Variants in NXF3 observed in about 807,000 individuals in gnomAD.
NXF3 encodes nuclear RNA export factor 3, also known as TAP-like protein 3.
Under a neutral mutation model 48.4 loss-of-function variants are expected in NXF3, and 34 were observed. The ratio of observed to expected loss-of-function variants is 0.70; its 90% CI spans 0.53 to 0.93. The LOEUF (loss-of-function observed/expected upper bound fraction) is 0.93. Ranked by LOEUF, NXF3 falls within the 40% of genes least tolerant of loss-of-function variation. The probability of loss-of-function intolerance (pLI) is 0.00; values close to 1 mark genes in which losing one functional copy is unlikely to be tolerated. For missense variants in NXF3, 359 were observed against 406.1 expected, an observed-to-expected ratio of 0.88 and a Z score of 1.00; for synonymous variants, 132 against 145.7, an observed-to-expected ratio of 0.91 and a Z score of 0.68.
rs148044412 is a variant in NXF3, at chrX:103,087,642, C to T, written c.29-2759G>A. The stretch of plus-strand genomic sequence containing the variant: ...CACCCGTGCTCTAAGTCCGATCCCA[C>T]ATATAGCATGAAGAGAAGAAAGAAT... On this transcript the variant is annotated intron_variant, in intron 1 of 19. Coordinates refer to ENST00000395065, the MANE Select transcript of NXF3 (RefSeq NM_022052.2). The T allele has an allele frequency of 3.3e-4, 329 of 998,536 alleles. 3 individuals are homozygous for T. The East Asian group carries it at 9.8e-3, about 30-fold the overall frequency. The allele number at this position is 998,536 out of a possible 1,213,427, so 82.3% of individuals were successfully genotyped here.
At chrX:103,083,294 G>T in intron 5 of NXF3, 21 bp from the exon 6 acceptor site, 1 of 1,199,681 alleles carries the variant, frequency 8.3e-7, no homozygotes, top group Non-Finnish European at 1.1e-6. Context: ...CCCAAGAGGG[G>T]CTGAGTAAAC....
At position 103,080,085 on chromosome X, in the gene NXF3, C is replaced by T; in HGVS notation, c.997-17G>A. On this transcript the variant is annotated splice_polypyrimidine_tract_variant and intron_variant, in intron 11 of 19. Transcript: ENST00000395065. ...GAAGCTTCCCTGGAATAAAGAGTCC[C>T]CAGGACCACAGATGGTACCCCCCCT... 2 of 1,210,557 alleles carry T rather than the reference C, an allele frequency of 1.7e-6. No homozygotes were observed. The highest frequency in any genetic ancestry group is 2.2e-6 in the Non-Finnish European group (2 of 894,666).
At chrX:103,091,351 G>C (rs1922268079) in intron 1 of NXF3, among the ~76,000 whole-genome samples, 1 of 112,067 alleles carries the variant, frequency 8.9e-6, no homozygotes, top group Non-Finnish European at 1.9e-5. Context: ...CTCTGCCTCT[G>C]TGAATTAAAC....
At chrX:103,085,916 AAAAAAAAG>A (rs1922139087) in intron 1 of NXF3, among the ~76,000 whole-genome samples, 1 of 105,260 alleles carries the variant, frequency 9.5e-6, no homozygotes, top group African/African-American at 3.5e-5. Context: ...AAAAAAAAAA[AAAAAAAAG>A]AAAGAAAGAA....
intron 3 of NXF3, among the ~76,000 whole-genome samples, chrX:103,084,022 G>A (rs964875196): frequency 5.4e-5 from 6 of 110,940 alleles, no homozygotes; most frequent in African/African-American, 2.0e-4. Flanking sequence ...CCTTTGACAA[G>A]GACCCCACTA....
At chrX:103,087,364 T>C in intron 1 of NXF3, 2 of 1,187,716 alleles carry the variant, frequency 1.7e-6, no homozygotes, top group South Asian at 3.6e-5. Context: ...GCCATTTGAA[T>C]GTGATGTGTG....
At position 103,079,658 on chromosome X, in the gene NXF3, G is replaced by A. The variant is rs765901226; in HGVS notation, c.1161-16C>T. 2 of 1,205,742 alleles carry A rather than the reference G, an allele frequency of 1.7e-6. No homozygotes were observed. The highest frequency in any genetic ancestry group is 5.9e-5 in the East Asian group (2 of 33,795). On this transcript the variant is annotated splice_polypyrimidine_tract_variant and intron_variant, in intron 13 of 19. Transcript: ENST00000395065. ...GAAGCTGCTCCTAGAAGAAAAAGAG[G>A]AGCAGGAGTGGGTGGTCTGGCCAGT...
rs773218289 is a variant in NXF3, at chrX:103,083,704, A to G, written c.352-12T>C. On this transcript the variant is annotated splice_polypyrimidine_tract_variant and intron_variant, in intron 3 of 19. Transcript: ENST00000395065. Reference sequence around the variant, plus strand: ...ATGCCAAAGGGAACCTATGAGTGAAAGAAAGAATGAGTGAGGAAAGGAGAC... The same window carrying G: ...ATGCCAAAGGGAACCTATGAGTGAAGGAAAGAATGAGTGAGGAAAGGAGAC... 1.4e-5 allele frequency: 16 copies of G among 1,145,583 alleles called. No homozygotes were observed. In the East Asian group the frequency reaches 4.8e-4, roughly 34 times the overall value. 94.4% of individuals were successfully genotyped at this position (1,145,583 alleles called of 1,213,427 possible). A position where few individuals can be genotyped will look rare whatever the true frequency, so the allele number is the denominator to read the frequency against.
chrX:103,083,831 A>G (rs1922079857), intron 3 of NXF3, 139 bp from the exon 4 acceptor site: 2 of 435,981 alleles, frequency 4.6e-6, no homozygotes, highest in Middle Eastern at 6.1e-4. Flanking sequence ...TAACTTATGT[A>G]TTTCATTATT....
chrX:103,092,233 T>C (rs980285148), intron 1 of NXF3, among the ~76,000 whole-genome samples: 3 of 104,895 alleles, frequency 2.9e-5, no homozygotes, highest in Admixed American at 2.0e-4. Flanking sequence ...AGTAGAATTA[T>C]TGTTTTTTTT....
chrX:103,083,712 T>C lies in NXF3; in HGVS notation c.352-20A>G, dbSNP rs1436637010. The C allele has an allele frequency of 8.9e-7, 1 of 1,127,362 alleles. No homozygotes were observed. Among genetic ancestry groups the C allele is most frequent in the Non-Finnish European group, 1.2e-6 (1 of 818,775 alleles). 92.9% of individuals were successfully genotyped at this position (1,127,362 alleles called of 1,213,427 possible). ...GGGAACCTATGAGTGAAAGAAAGAA[T>C]GAGTGAGGAAAGGAGACTGACATAA... On this transcript the variant is annotated intron_variant, in intron 3 of 19. Coordinates refer to ENST00000395065, the MANE Select transcript of NXF3 (RefSeq NM_022052.2).
chrX:103,088,301 G>A (rs1922202020), intron 1 of NXF3: 6 of 542,286 alleles, frequency 1.1e-5, no homozygotes, highest in South Asian at 2.7e-5. Context: ...AATTGTGATC[G>A]TATTTCTGGT....
rs144511484 is a variant in NXF3 at position 103,077,329 on chromosome X, C to T, written c.1584+285G>A. Among the ~76,000 whole-genome samples, 1,314 of 103,567 alleles carry T rather than the reference C, an allele frequency of 0.013. 68 individuals carry two copies. In the East Asian group the frequency reaches 0.18, roughly 14 times the overall value. The allele number at this position is 103,567 out of a possible 115,157, so 89.9% of individuals were successfully genotyped here. A position where few individuals can be genotyped will look rare whatever the true frequency, so the allele number is the denominator to read the frequency against. On this transcript the variant is annotated intron_variant, in intron 18 of 19. Transcript: ENST00000395065. ...GGAGTGGAGCAATCTCTGCTCACTG[C>T]GAGCTCCGCCTCCTGGGTTCACGCC...
chrX:103,079,085 T>C (rs1031868825), intron 16 of NXF3, 136 bp downstream of exon 16: 147 of 677,250 alleles, frequency 2.2e-4, no homozygotes, highest in Middle Eastern at 6.4e-4. Context: ...TGGGCAGAGT[T>C]GGGGTGGGAA....
intron 9 of NXF3, 174 bp from the exon 10 acceptor site, chrX:103,080,786 T>C (rs1024939826): frequency 4.3e-6 from 2 of 462,362 alleles, no homozygotes; most frequent in African/African-American, 4.9e-5. Flanking sequence ...AGGACTTTCT[T>C]CCCCTCCCTC....
At position 103,079,435 on chromosome X, in the gene NXF3, A is replaced by G; in HGVS notation, c.1259T>C (p.Ile420Thr). ...AGGCAACGCACTGAGGGAGTCCACA[A>G]TATCAAGTTTTGTGTGCTTCAGCAG... ...GELLKHTKLD[I>T]VDSLSALPKT... The change falls in exon 15 of 20, where the codon ATT (isoleucine) becomes ACT (threonine). Residue 420 changes from isoleucine to threonine, a missense_variant. Coordinates refer to ENST00000395065, the MANE Select transcript of NXF3 (RefSeq NM_022052.2). 2 of 1,211,298 alleles carry G rather than the reference A, an allele frequency of 1.7e-6. No individual in the cohort carries two copies. Among genetic ancestry groups the G allele is most frequent in the Non-Finnish European group, 2.2e-6 (2 of 895,313 alleles).
intron 18 of NXF3, among the ~76,000 whole-genome samples, chrX:103,077,317 C>G (rs1282245526): frequency 6.1e-5 from 6 of 98,045 alleles, no homozygotes; most frequent in Admixed American, 1.2e-4. Context: ...GTGGAGCAAT[C>G]TCTGCTCACT....
At chrX:103,087,149 T>TA (rs1416681985) in intron 1 of NXF3, 2 of 506,794 alleles carry the variant, frequency 3.9e-6, no homozygotes, top group Non-Finnish European at 6.6e-6. Flanking sequence ...GAGGCAACAC[T>TA]GGTGTAGGAA....
At chrX:103,088,793 T>C (rs1278065366) in intron 1 of NXF3, 10 of 1,124,471 alleles carry the variant, frequency 8.9e-6, no homozygotes, top group Non-Finnish European at 1.2e-5. Flanking sequence ...AAAAGAGTCC[T>C]TATGCATCCC....
Sources: gnomAD v4.1 joint callset for allele counts (sites outside exome capture counted in the v4.1 genomes callset) on GRCh38, gnomAD v4.1.1 for gene constraint, MANE v1.5 for transcripts, NCBI Gene and HGNC (gene_info 2026-07-23, HGNC 2026-07-21) for gene names.